DPP10: variants seen among roughly 807,000 people sequenced by gnomAD.
DPP10 encodes inactive dipeptidyl peptidase 10.
DPP10 carries 33 observed loss-of-function variants against 120.9 expected under a neutral mutation model. The observed-to-expected ratio is 0.27, with a 90% CI of 0.21 to 0.37. The LOEUF (loss-of-function observed/expected upper bound fraction) is 0.37, where lower values mean the gene tolerates loss of function less well. DPP10 is among the 10% of genes least tolerant of loss of function. DPP10 has a pLI of 1.00. For synonymous variants in DPP10, 337 were observed against 326.1 expected (o/e 1.03, Z -0.36); for missense variants, 816 against 942.8 (o/e 0.87, Z 1.76).
chr2:114,946,619 A>G (rs1697364147), intron 1 of DPP10, among the ~76,000 whole-genome samples: 2 of 152,044 alleles, frequency 1.3e-5, no homozygotes. Context: ...TTTGTGTAAA[A>G]CCAATCTTGA....
At chr2:114,686,756 G>T (rs1318080316) in intron 1 of DPP10, among the ~76,000 whole-genome samples, 1 of 152,012 alleles carries the variant, frequency 6.6e-6, no homozygotes, top group East Asian at 1.9e-4. Context: ...CGCAATAATT[G>T]TAGTCAAGAG....
intron 5 of DPP10, among the ~76,000 whole-genome samples, chr2:115,593,294 C>T (rs565291838): frequency 2.0e-5 from 3 of 152,220 alleles, no homozygotes; most frequent in East Asian, 3.9e-4. Context: ...ATGCATGGCA[C>T]GGTGCCTCTA....
Position 114,924,935 on chromosome 2 carries a change from G to A in DPP10, c.61-384304G>A, listed in dbSNP as rs571665877. Among the ~76,000 whole-genome samples, 5 of 152,206 alleles carry A rather than the reference G, an allele frequency of 3.3e-5. No homozygotes were observed. In the South Asian group the frequency reaches 1.0e-3, roughly 31 times the overall value. On this transcript the variant is annotated intron_variant, in intron 1 of 25. Coordinates refer to ENST00000410059, the MANE Select transcript of DPP10 (RefSeq NM_020868.6). ...ACCTGTTAAAAACATAGGTTGGCTG[G>A]GCACGGTGGCTCACGCCAGTAATCC...
chr2:115,698,013 T>C (rs750737001), intron 7 of DPP10, among the ~76,000 whole-genome samples: 1 of 151,924 alleles, frequency 6.6e-6, no homozygotes, highest in Non-Finnish European at 1.5e-5. Flanking sequence ...AAAAACACAA[T>C]AAGCCAACTA....
At chr2:115,626,886 T>C (rs933915186) in intron 5 of DPP10, among the ~76,000 whole-genome samples, 1 of 152,190 alleles carries the variant, frequency 6.6e-6, no homozygotes, top group African/African-American at 2.4e-5. Flanking sequence ...CAGATATTGA[T>C]TTCTAAATAC....
intron 1 of DPP10, among the ~76,000 whole-genome samples, chr2:115,012,273 C>G (rs920125356): frequency 6.6e-6 from 1 of 152,130 alleles, no homozygotes; most frequent in African/African-American, 2.4e-5. Flanking sequence ...CCTGAGGAAC[C>G]TGAATACTGA....
At chr2:115,453,422 CA>C (rs2073280234) in intron 3 of DPP10, among the ~76,000 whole-genome samples, 1 of 151,420 alleles carries the variant, frequency 6.6e-6, no homozygotes, top group Admixed American at 6.6e-5. Context: ...CACTGAATAA[CA>C]GTGAATATGA....
At chr2:114,442,918 G>T in intron 1 of DPP10, 80 bp downstream of exon 1, 1 of 1,543,324 alleles carries the variant, frequency 6.5e-7, no homozygotes, top group Non-Finnish European at 8.9e-7. Context: ...ATATATCGGG[G>T]TACTGACAGT....
At chr2:115,360,111 A>T (rs948650249) in intron 3 of DPP10, among the ~76,000 whole-genome samples, 2 of 152,134 alleles carry the variant, frequency 1.3e-5, no homozygotes, top group African/African-American at 4.8e-5. Context: ...CATTTCAGCC[A>T]TTTCAATTTG....
At chr2:114,661,354 A>T (rs1024064000) in intron 1 of DPP10, among the ~76,000 whole-genome samples, 15 of 152,218 alleles carry the variant, frequency 9.9e-5, no homozygotes, top group African/African-American at 3.6e-4. Flanking sequence ...GGTTTTGTAG[A>T]TGTCATACTA....
At chr2:115,162,255 G>C (rs866155718) in intron 1 of DPP10, 2 of 1,559,762 alleles carry the variant, frequency 1.3e-6, no homozygotes, top group Non-Finnish European at 1.7e-6. Flanking sequence ...GGAGAGCCGC[G>C]GGGAAGGGGG....
At chr2:114,655,696 G>C (rs967029549) in intron 1 of DPP10, among the ~76,000 whole-genome samples, 1 of 151,892 alleles carries the variant, frequency 6.6e-6, no homozygotes, top group Non-Finnish European at 1.5e-5. Context: ...TGTTCTTAAA[G>C]CATTCAGCTT....
At chr2:115,225,465 A>T (rs994226129) in intron 1 of DPP10, among the ~76,000 whole-genome samples, 6 of 150,750 alleles carry the variant, frequency 4.0e-5, no homozygotes, top group Non-Finnish European at 7.4e-5. Flanking sequence ...GCTTCGAAAC[A>T]CTTATATATT....
intron 1 of DPP10, among the ~76,000 whole-genome samples, chr2:115,169,122 A>C (rs978052778): frequency 1.3e-5 from 2 of 152,226 alleles, no homozygotes; most frequent in Non-Finnish European, 2.9e-5. Flanking sequence ...ACTGAGAACA[A>C]GGTCAAACAG....
intron 13 of DPP10, among the ~76,000 whole-genome samples, chr2:115,770,854 A>C (rs1559134442): frequency 6.6e-6 from 1 of 152,148 alleles, no homozygotes; most frequent in South Asian, 2.1e-4. Flanking sequence ...TGTATATTTT[A>C]CATTCTTTTT....
At chr2:115,625,232 A>T (rs2149296261) in intron 5 of DPP10, among the ~76,000 whole-genome samples, 1 of 152,258 alleles carries the variant, frequency 6.6e-6, no homozygotes, top group South Asian at 2.1e-4. Flanking sequence ...TGTGAGAAAG[A>T]TCTTTTTTGG....
At chr2:115,379,968 T>G (rs1026517484) in intron 3 of DPP10, among the ~76,000 whole-genome samples, 1 of 152,208 alleles carries the variant, frequency 6.6e-6, no homozygotes, top group Admixed American at 6.5e-5. Context: ...GAGCTTTACT[T>G]CCAAGTATGT....
intron 5 of DPP10, among the ~76,000 whole-genome samples, chr2:115,684,278 C>T (rs1016909083): frequency 1.3e-5 from 2 of 151,796 alleles, no homozygotes; most frequent in African/African-American, 4.8e-5. Context: ...TATTACAACA[C>T]TAGAGTCTCC....
intron 1 of DPP10, among the ~76,000 whole-genome samples, chr2:114,497,273 ATG>A (rs1491033282): frequency 0.017 from 1,705 of 98,576 alleles, 90 homozygotes; most frequent in African/African-American, 0.064. Flanking sequence ...ATACATGTAC[ATG>A]TATACGTGTA....
Sources: gnomAD v4.1 joint callset for allele counts (sites outside exome capture counted in the v4.1 genomes callset) on GRCh38, gnomAD v4.1.1 for gene constraint, MANE v1.5 for transcripts, NCBI Gene and HGNC (gene_info 2026-07-23, HGNC 2026-07-21) for gene names.